The following CD82 variants were observed in gnomAD, a reference collection of about 807,000 sequenced individuals.
The protein encoded by CD82 is CD82 molecule, also known as CD82 antigen.
CD82 carries 36 observed loss-of-function variants against 37.4 expected under a neutral mutation model. The ratio of observed to expected loss-of-function variants is 0.96; its 90% CI spans 0.74 to 1.27. The LOEUF (loss-of-function observed/expected upper bound fraction) is 1.27, where lower values mean the gene tolerates loss of function less well. Among genes scored for constraint, CD82 ranks in the 50% most tolerant of loss-of-function variants. The pLI is 0.00. For synonymous variants in CD82, 158 were observed against 137.4 expected (o/e 1.15, Z -1.05); for missense variants, 340 against 347.0 (o/e 0.98, Z 0.16).
intron 1 of CD82, among the ~76,000 whole-genome samples, chr11:44,567,050 G>A (rs1032446378): frequency 6.6e-6 from 1 of 152,184 alleles, no homozygotes; most frequent in Non-Finnish European, 1.5e-5. Context: ...AGCCAGGCCT[G>A]AGTTGCTGAC....
chr11:44,607,422 C>A (rs1359380109), intron 6 of CD82, among the ~76,000 whole-genome samples: 2 of 152,142 alleles, frequency 1.3e-5, no homozygotes, highest in East Asian at 3.9e-4. Context: ...GTCAGGTCTT[C>A]ATTTCTGTCC....
chr11:44,573,619 C>A (rs1318681111), intron 1 of CD82, among the ~76,000 whole-genome samples: 1 of 152,226 alleles, frequency 6.6e-6, no homozygotes, highest in African/African-American at 2.4e-5. Context: ...TTTCTCTGCC[C>A]CACACCCTCT....
chr11:44,617,474 G>GT (rs1193065922), intron 7 of CD82, among the ~76,000 whole-genome samples: 2 of 148,742 alleles, frequency 1.3e-5, no homozygotes, highest in African/African-American at 5.0e-5. Context: ...CAGGAGAATC[G>GT]TTTGAACCCT....
At chr11:44,590,374 C>T (rs1033941303) in intron 2 of CD82, among the ~76,000 whole-genome samples, 6 of 151,238 alleles carry the variant, frequency 4.0e-5, no homozygotes, top group Admixed American at 6.6e-5. Context: ...TTTAGGAGGC[C>T]GAGGCAGGTG....
At chr11:44,568,246 G>T (rs1328512290) in intron 1 of CD82, among the ~76,000 whole-genome samples, 1 of 152,112 alleles carries the variant, frequency 6.6e-6, no homozygotes, top group East Asian at 1.9e-4. Flanking sequence ...TGGCTTTGGG[G>T]ATGTCTGCAA....
intron 3 of CD82, among the ~76,000 whole-genome samples, chr11:44,598,300 C>T (rs1399327673): frequency 6.6e-6 from 1 of 151,586 alleles, no homozygotes; most frequent in Non-Finnish European, 1.5e-5. Context: ...CCTACTGAGC[C>T]ACCTGGGCCC....
intron 1 of CD82, among the ~76,000 whole-genome samples, chr11:44,571,236 T>A (rs1231182747): frequency 6.6e-6 from 1 of 152,174 alleles, no homozygotes; most frequent in East Asian, 1.9e-4. Flanking sequence ...GCAGGTTTTC[T>A]TCCTTTTAGG....
intron 2 of CD82, among the ~76,000 whole-genome samples, chr11:44,590,619 A>AAAAAAAAAAAAAAAAAAAAAAAAAT: frequency 6.8e-6 from 1 of 147,766 alleles, no homozygotes; most frequent in Non-Finnish European, 1.5e-5. Context: ...TCAAAAAAAA[A>AAAAAAAAAAAAAAAAAAAAAAAAAT]AAAAAAAAAA....
chr11:44,579,184 G>A (rs1852943921), intron 1 of CD82, among the ~76,000 whole-genome samples: 1 of 152,068 alleles, frequency 6.6e-6, no homozygotes, highest in African/African-American at 2.4e-5. Flanking sequence ...AGAATATGGG[G>A]GAGGCCAAGG....
chr11:44,609,294 C>T (rs1019583698), intron 6 of CD82, among the ~76,000 whole-genome samples: 2 of 152,214 alleles, frequency 1.3e-5, no homozygotes, highest in African/African-American at 4.8e-5. Flanking sequence ...CTGACTTGTT[C>T]TCTCTAGAGA....
At chr11:44,614,165 A>G (rs1478027036) in intron 6 of CD82, among the ~76,000 whole-genome samples, 1 of 152,038 alleles carries the variant, frequency 6.6e-6, no homozygotes, top group African/African-American at 2.4e-5. Flanking sequence ...GGCACCCACC[A>G]CCATGACTAC....
chr11:44,595,908 C>CAAAAAAAAAA lies in CD82; in HGVS notation c.63+1197_63+1206dup, dbSNP rs71449886. On this transcript the variant is annotated intron_variant, in intron 3 of 9. Transcript: ENST00000227155. The stretch of plus-strand genomic sequence containing the variant: ...AACATAGCAAGACCCTGTTTCTCTA[C>CAAAAAAAAAA]AAAAAAAAAAAAAAAAAAAAAAAGA... Among the ~76,000 whole-genome samples the CAAAAAAAAAA allele has an allele frequency of 1.2e-3, 87 of 69,668 alleles. 2 individuals are homozygous for CAAAAAAAAAA. Among genetic ancestry groups the CAAAAAAAAAA allele is most frequent in the African/African-American group, 4.6e-3 (76 of 16,390 alleles). 45.7% of individuals were successfully genotyped at this position (69,668 alleles called of 152,430 possible). A position where few individuals can be genotyped will look rare whatever the true frequency, so the allele number is the denominator to read the frequency against.
intron 1 of CD82, among the ~76,000 whole-genome samples, chr11:44,569,514 T>C (rs1194544119): frequency 6.6e-6 from 1 of 152,182 alleles, no homozygotes; most frequent in Non-Finnish European, 1.5e-5. Context: ...ATTCCTTCCC[T>C]GACTTGCTGA....
chr11:44,568,164 C>T (rs1178901999), intron 1 of CD82, among the ~76,000 whole-genome samples: 2 of 152,094 alleles, frequency 1.3e-5, no homozygotes, highest in Non-Finnish European at 2.9e-5. Flanking sequence ...ACCAGATGTG[C>T]TGGGGTGGAG....
At chr11:44,603,473 G>C (rs1853342173) in intron 4 of CD82, among the ~76,000 whole-genome samples, 1 of 152,188 alleles carries the variant, frequency 6.6e-6, no homozygotes, top group African/African-American at 2.4e-5. Flanking sequence ...TAAAGGGGTT[G>C]GTCCTGGCTG....
chr11:44,609,220 T>C (rs1853444734), intron 6 of CD82, among the ~76,000 whole-genome samples: 1 of 152,320 alleles, frequency 6.6e-6, no homozygotes, highest in African/African-American at 2.4e-5. Flanking sequence ...TCGGATAAGT[T>C]ACCCAGACTC....
intron 7 of CD82, 51 bp from the exon 8 acceptor site, chr11:44,618,111 C>T (rs772357667): frequency 6.4e-7 from 1 of 1,563,568 alleles, no homozygotes; most frequent in South Asian, 1.1e-5. Context: ...GGAGGGCAGC[C>T]TGCCTAGGGT....
In CD82 at chr11:44,596,685, G is replaced by T. The variant is rs6485551; in HGVS notation, c.63+1960G>T. ...ATGACCCATCAGGATGGTGGAGGGG[G>T]GAGGGGCAGCTTGTATGACAGGAGG... On this transcript the variant is annotated intron_variant, in intron 3 of 9. Transcript: ENST00000227155. 4.1e-3 allele frequency among the ~76,000 whole-genome samples: 627 copies of T among 152,010 alleles called. 5 individuals carry two copies. Among genetic ancestry groups the T allele is most frequent in the Middle Eastern group, 0.014 (4 of 294 alleles).
intron 3 of CD82, among the ~76,000 whole-genome samples, chr11:44,595,986 T>A (rs1204826398): frequency 2.0e-5 from 3 of 150,650 alleles, no homozygotes; most frequent in African/African-American, 7.4e-5. Context: ...ACATGTACAA[T>A]GTGTTCCTGG....
Sources: allele counts gnomAD v4.1 joint callset (sites outside exome capture counted in the v4.1 genomes callset), GRCh38; gene constraint gnomAD v4.1.1; transcripts MANE v1.5; gene names NCBI Gene and HGNC (gene_info 2026-07-23, HGNC 2026-07-21).